The following PRDM1 variants were observed in gnomAD, a reference collection of about 807,000 sequenced individuals.
PRDM1 encodes the protein PR domain zinc finger protein 1.
A neutral mutation model predicts 62.8 loss-of-function variants in PRDM1; 13 were observed. That is an observed-to-expected ratio of 0.21 (90% CI 0.13 to 0.33). PRDM1 has a LOEUF of 0.33. Among genes scored for constraint, PRDM1 ranks in the 10% least tolerant of loss-of-function variants. PRDM1 has a pLI of 1.00. For missense variants in PRDM1, 895 were observed against 1,058.8 expected (o/e 0.85, Z 2.15); for synonymous variants, 396 against 417.6 (o/e 0.95, Z 0.63).
At chr6:106,089,024 T>C (rs1773892748) in intron 2 of PRDM1, among the ~76,000 whole-genome samples, 1 of 152,228 alleles carries the variant, frequency 6.6e-6, no homozygotes, top group Non-Finnish European at 1.5e-5. Flanking sequence ...AACCACTGTT[T>C]ATCTGCAGCA....
At chr6:106,045,240 A>T (rs1229877093), upstream of PRDM1, among the ~76,000 whole-genome samples, 2 of 152,154 alleles carry the variant, frequency 1.3e-5, no homozygotes, top group Admixed American at 6.5e-5. Flanking sequence ...ATCCCCAGAG[A>T]AGTGGCTATT....
intron 1 of PRDM1, among the ~76,000 whole-genome samples, chr6:106,040,370 A>C (rs1193145905): frequency 6.6e-6 from 1 of 152,194 alleles, no homozygotes; most frequent in Non-Finnish European, 1.5e-5. Flanking sequence ...ACATGTGCAC[A>C]TATTAGCACA....
chr6:106,088,530 C>CAGAGGTTTTCAGAGA, intron 2 of PRDM1, 81 bp downstream of exon 2: 2 of 1,471,750 alleles, frequency 1.4e-6, no homozygotes, highest in Non-Finnish European at 1.9e-6. Context: ...TTGTATATCT[C>CAGAGGTTTTCAGAGA]TGAAAACCTC....
At chr6:106,100,381 C>T (rs1774234083) in intron 4 of PRDM1, 1 of 152,220 alleles carries the variant, frequency 6.6e-6, no homozygotes, top group South Asian at 2.1e-4. Flanking sequence ...GAAGTTAAGA[C>T]TAAATGCTGA....
chr6:106,097,931 T>C (rs1774155469), intron 3 of PRDM1, among the ~76,000 whole-genome samples: 1 of 152,204 alleles, frequency 6.6e-6, no homozygotes, highest in African/African-American at 2.4e-5. Context: ...GCAAAAGCTC[T>C]CACAAGCTGC....
intron 1 of PRDM1, among the ~76,000 whole-genome samples, chr6:106,004,760 T>G (rs1208864009): frequency 6.6e-6 from 1 of 152,242 alleles, no homozygotes; most frequent in Non-Finnish European, 1.5e-5. Flanking sequence ...CATCAAAAGT[T>G]ATGCCCACTT....
upstream of PRDM1, among the ~76,000 whole-genome samples, chr6:106,044,699 A>G (rs1485490877): frequency 6.6e-6 from 1 of 152,198 alleles, no homozygotes; most frequent in African/African-American, 2.4e-5. Flanking sequence ...TGTGATTGTT[A>G]AGCTCAGATG....
At chr6:106,095,783 G>A in intron 3 of PRDM1, 49 bp downstream of exon 3, 2 of 1,594,760 alleles carry the variant, frequency 1.3e-6, no homozygotes, top group Non-Finnish European at 1.7e-6. Context: ...GGAAAAAATG[G>A]AGCTAAAAGA....
In PRDM1 at chr6:106,105,529, C is replaced by T. The variant is rs1166070164; in HGVS notation, c.1369C>T (p.Pro457Ser). The T allele has an allele frequency of 6.2e-7, 1 of 1,613,314 alleles. No individual in the cohort carries two copies. Among genetic ancestry groups the T allele is most frequent in the Admixed American group, 1.7e-5 (1 of 59,994 alleles). ...YSNLLGGGSLPHPMLNPTSLP... is the reference protein window; with the variant it reads ...YSNLLGGGSLSHPMLNPTSLP... Reference sequence around the variant, plus strand: ...CAATCTCCTCGGTGGGGGCAGCCTGCCCCACCCCATGCTCAACCCCACTTC... The same window carrying T: ...CAATCTCCTCGGTGGGGGCAGCCTGTCCCACCCCATGCTCAACCCCACTTC... The change falls in exon 5 of 7, where the codon CCC becomes TCC. Residue 457 changes from proline to serine, a missense_variant. Physicochemically the swap from Pro to Ser is moderately conservative, Grantham distance 74. Coordinates refer to ENST00000369096, the MANE Select transcript of PRDM1 (RefSeq NM_001198.4).
At chr6:105,996,293 T>G (rs1772348105) in intron 1 of PRDM1, among the ~76,000 whole-genome samples, 3 of 152,138 alleles carry the variant, frequency 2.0e-5, no homozygotes, top group Admixed American at 1.3e-4. Context: ...TCTATAATTG[T>G]CAGATAAATG....
At position 106,105,353 on chromosome 6, in the gene PRDM1, T is replaced by C; in HGVS notation, c.1193T>C (p.Leu398Pro). Residue 398 changes from leucine (L) to proline (P), a missense_variant, in exon 5 of 7, where the codon CTC (leucine) becomes CCC (proline). Physicochemically the swap from Leu to Pro is moderately conservative, Grantham distance 98 (BLOSUM62 -3). Coordinates refer to ENST00000369096, the MANE Select transcript of PRDM1 (RefSeq NM_001198.4). ...SYPGYAPLPH[L>P]PPAFIPSYNA... Reference sequence around the variant, plus strand: ...CCTGGCTACGCACCCCTGCCCCACCTCCCGCCAGCTTTCATCCCCTCGTAC... The same window carrying C: ...CCTGGCTACGCACCCCTGCCCCACCCCCCGCCAGCTTTCATCCCCTCGTAC... 6.2e-7 allele frequency: 1 copy of C among 1,613,194 alleles called. No individual in the cohort carries two copies. The highest frequency in any genetic ancestry group is 8.5e-7 in the Non-Finnish European group (1 of 1,179,548).
intron 1 of PRDM1, among the ~76,000 whole-genome samples, chr6:106,057,141 G>A (rs916893035): frequency 1.3e-5 from 2 of 152,154 alleles, no homozygotes; most frequent in African/African-American, 4.8e-5. Flanking sequence ...TAAAAGGCAT[G>A]GTTTGCCCCA....
chr6:106,046,315 G>A (rs915294654), upstream of PRDM1: 5 of 152,144 alleles, frequency 3.3e-5, no homozygotes, highest in South Asian at 2.1e-4. Context: ...GAAGGAGGTG[G>A]TTGGTCTCCA....
At chr6:106,035,632 C>CA (rs1435925808) in intron 1 of PRDM1, among the ~76,000 whole-genome samples, 2 of 151,556 alleles carry the variant, frequency 1.3e-5, no homozygotes, top group Non-Finnish European at 2.9e-5. Context: ...GACCCTGTCT[C>CA]AAAAAAATTT....
At position 106,105,600 on chromosome 6, in the gene PRDM1, G is replaced by A. The variant is rs2114656419; in HGVS notation, c.1440G>A (p.Gln480=). The change falls in exon 5 of 7, where the codon CAG becomes CAA. Residue 480 remains glutamine, a synonymous_variant. Coordinates refer to ENST00000369096, the MANE Select transcript of PRDM1 (RefSeq NM_001198.4). ...LPSDGARRLL[Q]PEHPREVLVP... is the part of the protein sequence containing the mutation. ...CAGATGGAGCCCGGAGGTTGCTCCA[G>A]CCGGAGCATCCCAGGGAGGTGCTTG... 2 of 1,613,292 alleles carry A rather than the reference G, an allele frequency of 1.2e-6. No individual in the cohort carries two copies. Among genetic ancestry groups the A allele is most frequent in the South Asian group, 2.2e-5 (2 of 91,058 alleles).
chr6:106,098,547 A>C (rs1457998241), intron 3 of PRDM1: 1 of 1,279,168 alleles, frequency 7.8e-7, no homozygotes, highest in African/African-American at 1.5e-5. Context: ...CCTCCCAGAT[A>C]AGGGGTTCCC....
chr6:106,001,229 T>G (rs1465454665), intron 1 of PRDM1, among the ~76,000 whole-genome samples: 5 of 152,224 alleles, frequency 3.3e-5, no homozygotes, highest in African/African-American at 9.6e-5. Flanking sequence ...TTGGGGAGAT[T>G]TGTTTTCATT....
chr6:106,016,205 A>G (rs566488404), intron 1 of PRDM1, among the ~76,000 whole-genome samples: 25 of 152,294 alleles, frequency 1.6e-4, no homozygotes, highest in Non-Finnish European at 2.8e-4. Context: ...ATGGATTGCC[A>G]CATTTTGTCT....
At chr6:106,047,151 T>A (rs1213673424), upstream of PRDM1, among the ~76,000 whole-genome samples, 1 of 152,248 alleles carries the variant, frequency 6.6e-6, no homozygotes, top group Non-Finnish European at 1.5e-5. Context: ...TTTTGATTTT[T>A]CTGCTAACAC....
Sources: allele counts gnomAD v4.1 joint callset (sites outside exome capture counted in the v4.1 genomes callset), GRCh38; gene constraint gnomAD v4.1.1; transcripts MANE v1.5; gene names NCBI Gene and HGNC (gene_info 2026-07-23, HGNC 2026-07-21).